Variants in CSMD1 observed in about 807,000 individuals in gnomAD.
CSMD1 encodes the protein CUB and sushi domain-containing protein 1.
Under a neutral mutation model 417.5 loss-of-function variants are expected in CSMD1, and 213 were observed. That is an observed-to-expected ratio of 0.51 (90% CI 0.46 to 0.57). CSMD1 has a LOEUF of 0.57. Ranked by LOEUF, CSMD1 falls within the 20% of genes least tolerant of loss-of-function variation. The probability of loss-of-function intolerance (pLI) is 0.00; values close to 1 mark genes in which losing one functional copy is unlikely to be tolerated. For missense variants in CSMD1, 6,923 were observed against 4,529.7 expected (o/e 1.53, Z -15.17); for synonymous variants, 2,862 against 1,736.8 (o/e 1.65, Z -16.11).
At chr8:3,313,048 G>A (rs373135241) in intron 23 of CSMD1, among the ~76,000 whole-genome samples, 2 of 152,282 alleles carry the variant, frequency 1.3e-5, no homozygotes, top group East Asian at 3.9e-4. Flanking sequence ...ATTCTGAAAT[G>A]ACAACATAAA....
intron 3 of CSMD1, among the ~76,000 whole-genome samples, chr8:4,300,708 C>T (rs372605814): frequency 5.9e-5 from 9 of 152,236 alleles, no homozygotes; most frequent in East Asian, 1.9e-4. Flanking sequence ...CAACAGTCCC[C>T]GGAGTGTGAT....
chr8:3,655,769 G>A (rs529260263), intron 7 of CSMD1, among the ~76,000 whole-genome samples: 2 of 152,136 alleles, frequency 1.3e-5, no homozygotes, highest in East Asian at 1.9e-4. Context: ...ACGGCTGTAG[G>A]AGGCAGGAAA....
chr8:4,336,243 A>C (rs899155327), intron 3 of CSMD1, among the ~76,000 whole-genome samples: 1 of 152,126 alleles, frequency 6.6e-6, no homozygotes, highest in Non-Finnish European at 1.5e-5. Context: ...AGACCCTTTA[A>C]AGGTCTTGCT....
chr8:3,743,996 G>A (rs373262196), intron 6 of CSMD1, among the ~76,000 whole-genome samples: 1 of 152,156 alleles, frequency 6.6e-6, no homozygotes, highest in Non-Finnish European at 1.5e-5. Context: ...CCCGTTACAT[G>A]AAAATTGTGT....
At chr8:4,200,281 G>C (rs551774047) in intron 3 of CSMD1, among the ~76,000 whole-genome samples, 1 of 152,014 alleles carries the variant, frequency 6.6e-6, no homozygotes, top group Non-Finnish European at 1.5e-5. Context: ...TTTTTCAGAG[G>C]ATAATTTTTT....
At chr8:3,745,743 C>A (rs556216416) in intron 6 of CSMD1, among the ~76,000 whole-genome samples, 14 of 152,310 alleles carry the variant, frequency 9.2e-5, no homozygotes, top group African/African-American at 3.4e-4. Flanking sequence ...TAAGCAACAG[C>A]TTCGCCATTC....
chr8:4,624,667 G>A (rs534689011), intron 2 of CSMD1, among the ~76,000 whole-genome samples: 1 of 152,090 alleles, frequency 6.6e-6, no homozygotes, highest in African/African-American at 2.4e-5. Context: ...CAGCTGCTCT[G>A]TTTACACGGG....
At chr8:4,274,980 G>T (rs1007357062) in intron 3 of CSMD1, among the ~76,000 whole-genome samples, 1 of 152,154 alleles carries the variant, frequency 6.6e-6, no homozygotes, top group African/African-American at 2.4e-5. Context: ...TGAGCAGAGT[G>T]TGTGGTATAG....
chr8:4,314,086 G>C (rs1030943338), intron 3 of CSMD1, among the ~76,000 whole-genome samples: 1 of 151,814 alleles, frequency 6.6e-6, no homozygotes, highest in African/African-American at 2.4e-5. Context: ...TCTGTGTCCT[G>C]GAGATGGGGG....
chr8:4,209,129 T>A (rs1298502847), intron 3 of CSMD1, among the ~76,000 whole-genome samples: 1 of 152,224 alleles, frequency 6.6e-6, no homozygotes, highest in Non-Finnish European at 1.5e-5. Flanking sequence ...CACATCTTCA[T>A]GATTTCTATC....
At chr8:4,485,472 G>C (rs1208334859) in intron 2 of CSMD1, among the ~76,000 whole-genome samples, 2 of 152,148 alleles carry the variant, frequency 1.3e-5, no homozygotes, top group Non-Finnish European at 2.9e-5. Flanking sequence ...ATATGTGTCT[G>C]GGCTGGGCAG....
In CSMD1 at chr8:3,425,533, A is replaced by C. The variant is rs1016835155; in HGVS notation, c.1562-15928T>G. On this transcript the variant is annotated intron_variant, in intron 12 of 69. Transcript: ENST00000635120. ...AACCCAGGAGGTGGAGGTTGCAGTG[A>C]TCTGAGATTGCGCCACTGCACTCTG... 2.8e-5 allele frequency among the ~76,000 whole-genome samples: 4 copies of C among 145,388 alleles called. No homozygotes were observed. The South Asian group carries it at 6.6e-4, about 24-fold the overall frequency.
At chr8:4,915,893 C>A (rs1806032995) in intron 1 of CSMD1, among the ~76,000 whole-genome samples, 1 of 152,214 alleles carries the variant, frequency 6.6e-6, no homozygotes, top group Non-Finnish European at 1.5e-5. Flanking sequence ...GCCATAAGTG[C>A]CAGGCAGGAG....
chr8:4,409,225 T>A (rs1337889797), intron 3 of CSMD1, among the ~76,000 whole-genome samples: 1 of 152,202 alleles, frequency 6.6e-6, no homozygotes, highest in Non-Finnish European at 1.5e-5. Flanking sequence ...ATTGATGAAA[T>A]TCGAATGCAT....
rs146262200 is a variant in CSMD1 at position 3,186,254 on chromosome 8, T to C, written c.5620+1615A>G. Among the ~76,000 whole-genome samples the C allele has an allele frequency of 3.7e-3, 564 of 152,298 alleles. 7 individuals carry two copies. The highest frequency in any genetic ancestry group is 0.013 in the African/African-American group (542 of 41,556). ...CAGTGTCTGATATCTAGCAGGTACT[T>C]TAAGAAATCACATGCTAAACTAAAC... is the stretch of plus-strand genomic sequence containing the variant. On this transcript the variant is annotated intron_variant, in intron 36 of 69. Coordinates refer to ENST00000635120, the MANE Select transcript of CSMD1 (RefSeq NM_033225.6).
intron 8 of CSMD1, among the ~76,000 whole-genome samples, chr8:3,592,658 ACGTGTGTGTGCACATCCG>A (rs1347310395): frequency 1.5e-4 from 22 of 149,540 alleles, no homozygotes; most frequent in African/African-American, 5.6e-4. Context: ...GTGTGTGTTT[ACGTGTGTGTGCACATCCG>A]TGTGTGTGTG....
intron 3 of CSMD1, among the ~76,000 whole-genome samples, chr8:4,301,498 C>T (rs1055689809): frequency 2.0e-5 from 3 of 152,138 alleles, no homozygotes; most frequent in Non-Finnish European, 4.4e-5. Flanking sequence ...CATAAGATCT[C>T]TATTGAAAGC....
chr8:3,084,002 G>A (rs911977160), intron 49 of CSMD1, among the ~76,000 whole-genome samples: 1 of 152,022 alleles, frequency 6.6e-6, no homozygotes, highest in Non-Finnish European at 1.5e-5. Flanking sequence ...GAATCCCTTG[G>A]AAGGAAACAA....
intron 5 of CSMD1, among the ~76,000 whole-genome samples, chr8:3,977,542 C>A (rs909134795): frequency 2.0e-5 from 3 of 152,084 alleles, no homozygotes; most frequent in Admixed American, 6.5e-5. Flanking sequence ...CTGTTCAGAG[C>A]AGCAAACATT....
Sources: allele counts gnomAD v4.1 joint callset (sites outside exome capture counted in the v4.1 genomes callset), GRCh38; gene constraint gnomAD v4.1.1; transcripts MANE v1.5; gene names NCBI Gene and HGNC (gene_info 2026-07-23, HGNC 2026-07-21).